Variants in IARS2 observed in about 807,000 individuals in gnomAD.
The protein encoded by IARS2 is isoleucyl-tRNA synthetase 2, mitochondrial.
IARS2 carries 56 observed loss-of-function variants against 126.3 expected under a neutral mutation model. The ratio of observed to expected loss-of-function variants is 0.44; its 90% CI spans 0.36 to 0.55. The LOEUF is 0.55. IARS2 is among the 20% of genes least tolerant of loss of function. The pLI, the probability that IARS2 is intolerant of heterozygous loss-of-function variation, is 0.00. For missense variants in IARS2, 1,127 were observed against 1,245.9 expected (o/e 0.90, Z 1.44); for synonymous variants, 407 against 441.1 (o/e 0.92, Z 0.97).
chr1:220,118,261 CT>C, intron 12 of IARS2: 1 of 452,116 alleles, frequency 2.2e-6, no homozygotes, highest in East Asian at 6.3e-5. Context: ...AAGGAGATTC[CT>C]TTTGCTCATC....
At chr1:220,105,784 GT>G (rs1377987915) in intron 8 of IARS2, 106 bp from the exon 9 acceptor site, 1 of 880,496 alleles carries the variant, frequency 1.1e-6, no homozygotes. Flanking sequence ...AGCCTAGCCA[GT>G]ATTGTTCTAG....
chr1:220,137,041 G>A, intron 16 of IARS2, 130 bp downstream of exon 16: 1 of 560,366 alleles, frequency 1.8e-6, no homozygotes, highest in Non-Finnish European at 3.1e-6. Flanking sequence ...ACACATGATT[G>A]TAATGAAGAA....
In IARS2 at chr1:220,135,361, CAT is replaced by C. The variant is rs376159327; in HGVS notation, c.1946+852_1946+853del. ...TAAAAACCCATCCCAGAACATTTCA[CAT>C]GTTTCTTTTTTTTTTGAGATGGAGT... is the stretch of plus-strand genomic sequence containing the variant. On this transcript the variant is annotated intron_variant, in intron 15 of 22. Transcript: ENST00000366922. Among the ~76,000 whole-genome samples the C allele has an allele frequency of 5.7e-3, 874 of 152,072 alleles. 12 individuals carry two copies. Among genetic ancestry groups the C allele is most frequent in the African/African-American group, 0.02 (816 of 41,520 alleles).
chr1:220,123,778 G>C (rs1657098465), intron 12 of IARS2, among the ~76,000 whole-genome samples: 1 of 152,090 alleles, frequency 6.6e-6, no homozygotes, highest in Non-Finnish European at 1.5e-5. Flanking sequence ...CTCCTGGCCT[G>C]TAGAGCATAT....
Position 220,147,788 on chromosome 1 carries a change from A to T in IARS2, c.*153A>T, listed in dbSNP as rs1442508927. On this transcript the variant is annotated 3_prime_UTR_variant, in exon 23 of 23. Coordinates refer to ENST00000366922, the MANE Select transcript of IARS2 (RefSeq NM_018060.4). ...GGAGTCAAAATCAGAATTATAGAAGAAGTATTTCCTGTAACTATAGAAAGA... is the reference window on the plus strand; with the variant it reads ...GGAGTCAAAATCAGAATTATAGAAGTAGTATTTCCTGTAACTATAGAAAGA... 3 of 667,264 alleles carry T rather than the reference A, an allele frequency of 4.5e-6. No homozygotes were observed. Among genetic ancestry groups the T allele is most frequent in the Non-Finnish European group, 7.6e-6 (3 of 395,418 alleles). 41.3% of individuals were successfully genotyped at this position (667,264 alleles called of 1,614,324 possible). A position where few individuals can be genotyped will look rare whatever the true frequency, so the allele number is the denominator to read the frequency against.
At chr1:220,096,044 G>A in intron 1 of IARS2, 60 bp from the exon 2 acceptor site, 1 of 961,008 alleles carries the variant, frequency 1.0e-6, no homozygotes, top group Non-Finnish European at 1.6e-6. Context: ...GTTATTTATG[G>A]TTAGACTCAG....
At chr1:220,104,819 C>T (rs551614192) in intron 8 of IARS2, among the ~76,000 whole-genome samples, 132 of 152,228 alleles carry the variant, frequency 8.7e-4, no homozygotes, top group Non-Finnish European at 1.5e-3. Context: ...TAGACGTGAG[C>T]CACCATGCCT....
Position 220,140,275 on chromosome 1 carries a change from T to C in IARS2, c.2400T>C (p.Ser800=), listed in dbSNP as rs1657458484. 1 of 1,592,016 alleles carries C rather than the reference T, an allele frequency of 6.3e-7. No individual in the cohort carries two copies. The highest frequency in any genetic ancestry group is 8.6e-7 in the Non-Finnish European group (1 of 1,160,156). ...YTRELSNFYF[S]IIKDRLYCEK... Reference sequence around the variant, plus strand: ...GAGAGCTCTCTAACTTTTATTTCAGTATAATCAAAGATAGGTATGTATGAC... The same window carrying C: ...GAGAGCTCTCTAACTTTTATTTCAGCATAATCAAAGATAGGTATGTATGAC... The change falls in exon 19 of 23, where the codon AGT becomes AGC. Residue 800 remains serine (S), a synonymous_variant. Coordinates refer to ENST00000366922, the MANE Select transcript of IARS2 (RefSeq NM_018060.4).
At chr1:220,118,836 T>C (rs1366473788) in intron 12 of IARS2, among the ~76,000 whole-genome samples, 1 of 152,152 alleles carries the variant, frequency 6.6e-6, no homozygotes, top group African/African-American at 2.4e-5. Context: ...TTATGTTCAT[T>C]AAATAAAGAA....
intron 3 of IARS2, among the ~76,000 whole-genome samples, chr1:220,101,682 C>T (rs747886362): frequency 6.0e-5 from 9 of 149,576 alleles, no homozygotes; most frequent in African/African-American, 1.2e-4. Flanking sequence ...ACCTGGGCAA[C>T]AGAGCAAGAC....
chr1:220,095,801 G>T (rs1656426895), intron 1 of IARS2, among the ~76,000 whole-genome samples: 1 of 152,224 alleles, frequency 6.6e-6, no homozygotes, highest in East Asian at 1.9e-4. Context: ...GAAGCATGGG[G>T]AGTGATGAAA....
At chr1:220,116,918 G>A (rs1656923936) in intron 12 of IARS2, among the ~76,000 whole-genome samples, 1 of 151,450 alleles carries the variant, frequency 6.6e-6, no homozygotes, top group Admixed American at 6.6e-5. Context: ...GCTAATTCTT[G>A]TATTTTTAGT....
In IARS2 at chr1:220,114,456, A is replaced by G. The variant is rs778105322; in HGVS notation, c.1622A>G (p.Asp541Gly). 21 of 1,612,596 alleles carry G rather than the reference A, an allele frequency of 1.3e-5. No homozygotes were observed. The East Asian group carries it at 4.5e-4, about 34-fold the overall frequency. The change falls in exon 12 of 23, where the codon GAT becomes GGT. Residue 541 changes from aspartate to glycine, a missense_variant. Coordinates refer to ENST00000366922, the MANE Select transcript of IARS2 (RefSeq NM_018060.4). ...CCTGTGTTTCATCATAAGACCAAGG[A>G]TGAATACTTGATCAACAGGTAGAAT... ...PIPVFHHKTKDEYLINSQTTE... is the reference protein window; with the variant it reads ...PIPVFHHKTKGEYLINSQTTE...
rs77292647 is a variant in IARS2 at position 220,131,445 on chromosome 1, G to A, written c.1838-2957G>A. 6.7e-4 allele frequency among the ~76,000 whole-genome samples: 102 copies of A among 152,080 alleles called. 1 individual carries two copies. The East Asian group carries it at 0.015, about 22-fold the overall frequency. ...GGGCTCACTGCAACCTCCACCTCTC[G>A]GGTTCAAGCGATTCTCCTGCCTCAG... On this transcript the variant is annotated intron_variant, in intron 14 of 22. Transcript: ENST00000366922.
intron 10 of IARS2, among the ~76,000 whole-genome samples, chr1:220,109,055 C>A (rs992549921): frequency 5.9e-5 from 9 of 151,900 alleles, no homozygotes; most frequent in African/African-American, 1.5e-4. Flanking sequence ...TTTACAGAAA[C>A]CTTATCGGAA....
chr1:220,107,397 G>A (rs572860838), intron 10 of IARS2, among the ~76,000 whole-genome samples: 3 of 152,288 alleles, frequency 2.0e-5, no homozygotes, highest in African/African-American at 4.8e-5. Context: ...ATAATAATCA[G>A]CAGTATTACT....
Position 220,147,598 on chromosome 1 carries a change from T to C in IARS2, c.3002T>C (p.Leu1001Pro), listed in dbSNP as rs1187398884. The change falls in exon 23 of 23, where the codon CTG becomes CCG. Residue 1001 changes from leucine to proline, a missense_variant. Coordinates refer to ENST00000366922, the MANE Select transcript of IARS2 (RefSeq NM_018060.4). ...TATACAGCGGAGTCTTCAGATACACTGTGTCCTCGATGTGCAGAAGTTGTC... is the reference window on the plus strand; with the variant it reads ...TATACAGCGGAGTCTTCAGATACACCGTGTCCTCGATGTGCAGAAGTTGTC... ...WKYTAESSDT[L>P]CPRCAEVVSG... The C allele has an allele frequency of 1.9e-6, 3 of 1,614,160 alleles. No individual in the cohort carries two copies. Among genetic ancestry groups the C allele is most frequent in the Non-Finnish European group, 8.5e-7 (1 of 1,180,016 alleles).
At chr1:220,136,694 C>T (rs963696580) in intron 15 of IARS2, 115 bp from the exon 16 acceptor site, 1 of 470,810 alleles carries the variant, frequency 2.1e-6, no homozygotes, top group Non-Finnish European at 3.8e-6. Flanking sequence ...CATAATCAGT[C>T]AAGAAAAATC....
chr1:220,137,880 A>C, intron 16 of IARS2, 38 bp from the exon 17 acceptor site: 1 of 1,610,516 alleles, frequency 6.2e-7, no homozygotes, highest in Non-Finnish European at 8.5e-7. Context: ...TTGGAATTGA[A>C]AGCCATTGTG....
Sources: allele counts gnomAD v4.1 joint callset (sites outside exome capture counted in the v4.1 genomes callset), GRCh38; gene constraint gnomAD v4.1.1; transcripts MANE v1.5; gene names NCBI Gene and HGNC (gene_info 2026-07-23, HGNC 2026-07-21).